CNTLN: variants seen among roughly 807,000 people sequenced by gnomAD.
CNTLN encodes centlein, centrosomal protein.
A neutral mutation model predicts 180.0 loss-of-function variants in CNTLN; 212 were observed. The ratio of observed to expected loss-of-function variants is 1.18; its 90% CI spans 1.05 to 1.32. The LOEUF (loss-of-function observed/expected upper bound fraction) is 1.32. Among genes scored for constraint, CNTLN ranks in the 40% most tolerant of loss-of-function variants. The probability of loss-of-function intolerance (pLI) is 0.00; values close to 1 mark genes in which losing one functional copy is unlikely to be tolerated. For missense variants in CNTLN, 2,095 were observed against 1,610.9 expected (o/e 1.30, Z -5.14); for synonymous variants, 722 against 563.1 (o/e 1.28, Z -3.99).
chr9:17,467,012 T>C (rs1475764487), intron 23 of CNTLN, 121 bp downstream of exon 23: 2 of 585,278 alleles, frequency 3.4e-6, no homozygotes, highest in East Asian at 5.9e-5. Context: ...AAGCATCTTC[T>C]TCTACCCTAT....
At chr9:17,180,224 CTGTT>C (rs1166482842) in intron 2 of CNTLN, among the ~76,000 whole-genome samples, 1 of 141,724 alleles carries the variant, frequency 7.1e-6, no homozygotes, top group Admixed American at 7.0e-5. Flanking sequence ...TTTGCTATCT[CTGTT>C]TTTTTTTTTT....
chr9:17,421,884 T>G, intron 18 of CNTLN, among the ~76,000 whole-genome samples: 1 of 152,166 alleles, frequency 6.6e-6, no homozygotes, highest in East Asian at 1.9e-4. Context: ...CTTGATCCAA[T>G]CCCCACTTTT....
At chr9:17,283,984 T>C (rs902568988) in intron 6 of CNTLN, among the ~76,000 whole-genome samples, 1 of 151,942 alleles carries the variant, frequency 6.6e-6, no homozygotes, top group Admixed American at 6.6e-5. Context: ...AATGTGCTGC[T>C]GTATTCAGTT....
downstream of CNTLN, among the ~76,000 whole-genome samples, chr9:17,505,439 T>G (rs1833915730): frequency 6.6e-6 from 1 of 152,016 alleles, no homozygotes; most frequent in Non-Finnish European, 1.5e-5. Flanking sequence ...CAGCAAGATC[T>G]CAAGATGCAA....
intron 15 of CNTLN, among the ~76,000 whole-genome samples, chr9:17,403,120 G>T (rs142921840): frequency 2.6e-5 from 4 of 151,740 alleles, no homozygotes; most frequent in African/African-American, 9.7e-5. Flanking sequence ...GTTGGTGGAA[G>T]ATTGGTGGCA....
intron 3 of CNTLN, among the ~76,000 whole-genome samples, chr9:17,232,428 A>G (rs1248247214): frequency 6.6e-6 from 1 of 151,976 alleles, no homozygotes; most frequent in Non-Finnish European, 1.5e-5. Flanking sequence ...AATCTAAATT[A>G]TTAAATAATT....
chr9:17,204,754 C>T (rs1822793405), intron 2 of CNTLN, among the ~76,000 whole-genome samples: 1 of 152,132 alleles, frequency 6.6e-6, no homozygotes, highest in Non-Finnish European at 1.5e-5. Flanking sequence ...AGTTGGCAGC[C>T]AGGAAAGATT....
chr9:17,193,930 G>C (rs112238554), intron 2 of CNTLN, among the ~76,000 whole-genome samples: 1 of 152,202 alleles, frequency 6.6e-6, no homozygotes, highest in South Asian at 2.1e-4. Flanking sequence ...CTTGACTTCT[G>C]TGCACTTGCA....
At chr9:17,297,775 CT>C (rs1193215191) in intron 6 of CNTLN, among the ~76,000 whole-genome samples, 2 of 152,042 alleles carry the variant, frequency 1.3e-5, no homozygotes, top group African/African-American at 4.8e-5. Context: ...CTTTGGGATT[CT>C]TTTTAATATA....
intron 15 of CNTLN, among the ~76,000 whole-genome samples, chr9:17,406,080 A>G (rs185980247): frequency 1.3e-5 from 2 of 151,946 alleles, no homozygotes; most frequent in Non-Finnish European, 2.9e-5. Flanking sequence ...TTACCCCACC[A>G]AGCCTATTTC....
intron 5 of CNTLN, among the ~76,000 whole-genome samples, chr9:17,257,404 C>T (rs1298059444): frequency 2.0e-5 from 3 of 152,074 alleles, no homozygotes; most frequent in Non-Finnish European, 4.4e-5. Flanking sequence ...GGTTCCAAGT[C>T]TTTGCTATTG....
chr9:17,478,856 CTT>C (rs1206811507), intron 23 of CNTLN, among the ~76,000 whole-genome samples: 1 of 152,122 alleles, frequency 6.6e-6, no homozygotes, highest in Admixed American at 6.6e-5. Flanking sequence ...GTATCATACT[CTT>C]TTAATTATTG....
chr9:17,339,454 A>G (rs138859843), intron 10 of CNTLN, among the ~76,000 whole-genome samples: 213 of 152,336 alleles, frequency 1.4e-3, no homozygotes, highest in African/African-American at 4.3e-3. Flanking sequence ...TTTCATCAAA[A>G]TTTAAACCTC....
chr9:17,199,894 G>C (rs1252637730), intron 2 of CNTLN, among the ~76,000 whole-genome samples: 1 of 151,976 alleles, frequency 6.6e-6, no homozygotes, highest in Non-Finnish European at 1.5e-5. Flanking sequence ...TTTGGTGTAT[G>C]GTCATGAAGT....
intron 13 of CNTLN, among the ~76,000 whole-genome samples, chr9:17,375,596 A>G (rs981896845): frequency 6.6e-6 from 1 of 152,102 alleles, no homozygotes; most frequent in African/African-American, 2.4e-5. Context: ...AAGTTTTCCT[A>G]GTTTTGTTTG....
chr9:17,273,818 A>G lies in CNTLN; in HGVS notation c.935A>G (p.Asn312Ser), dbSNP rs766534336. The change falls in exon 6 of 26, where the codon AAT becomes AGT. Residue 312 changes from asparagine (N) to serine (S), a missense_variant. By Grantham distance (46) the Asn-to-Ser change is conservative. Coordinates refer to ENST00000380647, the MANE Select transcript of CNTLN (RefSeq NM_017738.4). ...AATGCTCTATCATTACAGTTGAGTA[A>G]TAAACAGACTGAACTTATCCAGAAG... is the stretch of plus-strand genomic sequence containing the variant. ...KYNALSLQLS[N>S]KQTELIQKDM... 32 of 1,576,148 alleles carry G rather than the reference A, an allele frequency of 2.0e-5. No individual in the cohort carries two copies. The highest frequency in any genetic ancestry group is 2.6e-5 in the Non-Finnish European group (30 of 1,165,094).
chr9:17,179,243 CAAAA>C (rs775986829), intron 2 of CNTLN, among the ~76,000 whole-genome samples: 2 of 62,232 alleles, frequency 3.2e-5, no homozygotes, highest in South Asian at 5.1e-4. Context: ...GACTCCGTCT[CAAAA>C]AAAAAAAAAA....
intron 5 of CNTLN, among the ~76,000 whole-genome samples, chr9:17,237,633 A>C (rs1040573085): frequency 6.6e-6 from 1 of 152,112 alleles, no homozygotes; most frequent in Non-Finnish European, 1.5e-5. Context: ...ATTTGCAAAT[A>C]CTATGCCATT....
intron 5 of CNTLN, among the ~76,000 whole-genome samples, chr9:17,237,487 AAC>A (rs1457058318): frequency 6.6e-6 from 1 of 151,978 alleles, no homozygotes; most frequent in East Asian, 1.9e-4. Flanking sequence ...AGAAAAAAAA[AAC>A]AACACAATTA....
Sources: gnomAD v4.1 joint callset for allele counts (sites outside exome capture counted in the v4.1 genomes callset) on GRCh38, gnomAD v4.1.1 for gene constraint, MANE v1.5 for transcripts, NCBI Gene and HGNC (gene_info 2026-07-23, HGNC 2026-07-21) for gene names.